The following CSMD3 variants were observed in gnomAD, a reference collection of about 807,000 sequenced individuals.
CSMD3 encodes CUB and Sushi multiple domains 3.
In CSMD3, 177 loss-of-function variants were observed where a neutral mutation model predicts 435.2. The observed-to-expected ratio is 0.41, with a 90% confidence interval of 0.36 to 0.46. The LOEUF is 0.46. CSMD3 is among the 20% of genes least tolerant of loss of function. The pLI, the probability that CSMD3 is intolerant of heterozygous loss-of-function variation, is 0.34. For missense variants in CSMD3, 4,265 were observed against 4,504.6 expected, an observed-to-expected ratio of 0.95 and a Z score of 1.52; for synonymous variants, 1,656 against 1,520.5, an observed-to-expected ratio of 1.09 and a Z score of -2.07.
intron 16 of CSMD3, among the ~76,000 whole-genome samples, chr8:112,678,644 A>T (rs1190320817): frequency 1.3e-5 from 2 of 152,096 alleles, no homozygotes; most frequent in African/African-American, 4.8e-5. Flanking sequence ...ACTGATTTCC[A>T]TTGTTCTGTA....
intron 3 of CSMD3, among the ~76,000 whole-genome samples, chr8:113,255,769 G>A (rs557249628): frequency 6.6e-6 from 1 of 151,814 alleles, no homozygotes; most frequent in South Asian, 2.1e-4. Context: ...TTTTTAAAAA[G>A]TGTTCATATC....
intron 59 of CSMD3, among the ~76,000 whole-genome samples, chr8:112,278,130 T>A (rs1302839865): frequency 6.6e-6 from 1 of 152,164 alleles, no homozygotes; most frequent in Non-Finnish European, 1.5e-5. Flanking sequence ...AGGGGGCAGT[T>A]GATCATGCTC....
chr8:112,492,856 T>G (rs1820837063), intron 30 of CSMD3, among the ~76,000 whole-genome samples, 173 bp from the exon 31 acceptor site: 1 of 152,146 alleles, frequency 6.6e-6, no homozygotes, highest in Non-Finnish European at 1.5e-5. Context: ...CTAAATAACA[T>G]AGTATAACAA....
rs2093574590 is a variant in CSMD3 at position 113,276,822 on chromosome 8, G to A, written c.514+1770C>T. ...ACCCATCCTTCAGTACTATCTGAAT[G>A]TCAAGTATCCTATATTTTAAGTCAG... On this transcript the variant is annotated intron_variant, in intron 3 of 70. Transcript: ENST00000297405. 4.6e-5 allele frequency among the ~76,000 whole-genome samples: 7 copies of A among 152,072 alleles called. No homozygotes were observed. In the South Asian group the frequency reaches 1.5e-3, roughly 32 times the overall value.
At chr8:112,602,436 G>A (rs188455708) in intron 22 of CSMD3, among the ~76,000 whole-genome samples, 1 of 151,832 alleles carries the variant, frequency 6.6e-6, no homozygotes, top group Non-Finnish European at 1.5e-5. Flanking sequence ...TGTGGTGGCG[G>A]GTGCCTGTAA....
intron 66 of CSMD3, among the ~76,000 whole-genome samples, chr8:112,240,482 G>C (rs1420379087): frequency 1.3e-5 from 2 of 152,042 alleles, no homozygotes; most frequent in African/African-American, 4.8e-5. Flanking sequence ...AGTGTTGAAT[G>C]TATCAGTATA....
intron 2 of CSMD3, among the ~76,000 whole-genome samples, chr8:113,302,273 T>G (rs2093776673): frequency 1.7e-5 from 1 of 57,394 alleles, no homozygotes; most frequent in East Asian, 5.4e-4. Flanking sequence ...ATATATAATA[T>G]ATAATTATAA....
At chr8:112,451,440 TAA>T (rs1224721452) in intron 32 of CSMD3, among the ~76,000 whole-genome samples, 3 of 152,156 alleles carry the variant, frequency 2.0e-5, no homozygotes, top group African/African-American at 4.8e-5. Context: ...GATTTAAAAG[TAA>T]AAGTTTTTTT....
intron 20 of CSMD3, among the ~76,000 whole-genome samples, chr8:112,642,775 T>C (rs1306082094): frequency 6.6e-6 from 1 of 152,146 alleles, no homozygotes; most frequent in African/African-American, 2.4e-5. Context: ...TTTATCTGTA[T>C]TTTAAGTCCC....
At position 113,270,653 on chromosome 8, in the gene CSMD3, G is replaced by T. The variant is rs1035571506; in HGVS notation, c.514+7939C>A. Among the ~76,000 whole-genome samples, 9 of 152,112 alleles carry T rather than the reference G, an allele frequency of 5.9e-5. 1 individual carries two copies. Among genetic ancestry groups the T allele is most frequent in the Admixed American group, 3.9e-4 (6 of 15,282 alleles). Reference sequence around the variant, plus strand: ...TGGAATACTATGCAGCCATAAAAAAGGATGAGTTCATGTCCTTTGTAGGGA... The same window carrying T: ...TGGAATACTATGCAGCCATAAAAAATGATGAGTTCATGTCCTTTGTAGGGA... On this transcript the variant is annotated intron_variant, in intron 3 of 70. Transcript: ENST00000297405.
chr8:112,910,424 G>A (rs145102914), intron 10 of CSMD3, among the ~76,000 whole-genome samples: 6 of 151,766 alleles, frequency 4.0e-5, no homozygotes, highest in African/African-American at 1.5e-4. Context: ...AGAGGGTTCT[G>A]CCATTTGAGA....
intron 13 of CSMD3, among the ~76,000 whole-genome samples, chr8:112,705,279 G>A (rs2076474751): frequency 6.6e-6 from 1 of 151,884 alleles, no homozygotes; most frequent in South Asian, 2.1e-4. Flanking sequence ...CTAGAGAGTG[G>A]AAATCAACAC....
chr8:113,394,498 T>A (rs1385926858), intron 1 of CSMD3, among the ~76,000 whole-genome samples: 1 of 152,128 alleles, frequency 6.6e-6, no homozygotes, highest in Admixed American at 6.6e-5. Context: ...TTCCTAAAAA[T>A]GCTGGATCAC....
At chr8:113,417,697 A>G (rs1210505195) in intron 1 of CSMD3, among the ~76,000 whole-genome samples, 1 of 152,024 alleles carries the variant, frequency 6.6e-6, no homozygotes, top group Non-Finnish European at 1.5e-5. Context: ...GAGACCTGAA[A>G]CAATGCATCC....
chr8:113,014,784 A>G (rs1276856137), intron 6 of CSMD3, among the ~76,000 whole-genome samples: 1 of 152,124 alleles, frequency 6.6e-6, no homozygotes, highest in African/African-American at 2.4e-5. Flanking sequence ...TTAATGACTT[A>G]ATTTGTACTC....
At chr8:112,606,332 T>C (rs1274647824) in intron 22 of CSMD3, among the ~76,000 whole-genome samples, 1 of 152,116 alleles carries the variant, frequency 6.6e-6, no homozygotes, top group African/African-American at 2.4e-5. Flanking sequence ...TCTATCTTGC[T>C]TCACCTAGAA....
chr8:113,205,966 C>T (rs2092766707), intron 3 of CSMD3, among the ~76,000 whole-genome samples: 3 of 151,760 alleles, frequency 2.0e-5, no homozygotes, highest in African/African-American at 7.3e-5. Flanking sequence ...TATTGCTCTC[C>T]CACCAAATAT....
At chr8:112,840,405 T>G (rs1287544337) in intron 11 of CSMD3, among the ~76,000 whole-genome samples, 1 of 151,742 alleles carries the variant, frequency 6.6e-6, no homozygotes, top group Non-Finnish European at 1.5e-5. Flanking sequence ...ATTATTGTGG[T>G]TACCAGAAGC....
chr8:112,625,543 A>G (rs560309961), intron 22 of CSMD3, among the ~76,000 whole-genome samples: 1 of 152,136 alleles, frequency 6.6e-6, no homozygotes, highest in Non-Finnish European at 1.5e-5. Context: ...TTCAAATTCA[A>G]AAAGATATAG....
Sources: gnomAD v4.1 joint callset for allele counts (sites outside exome capture counted in the v4.1 genomes callset) on GRCh38, gnomAD v4.1.1 for gene constraint, MANE v1.5 for transcripts, NCBI Gene and HGNC (gene_info 2026-07-23, HGNC 2026-07-21) for gene names.